IFT46: variants seen among roughly 807,000 people sequenced by gnomAD.
IFT46 encodes intraflagellar transport protein 46 homolog.
IFT46 carries 19 observed loss-of-function variants against 39.6 expected under a neutral mutation model. The ratio of observed to expected loss-of-function variants is 0.48; its 90% CI spans 0.33 to 0.70. IFT46 has a LOEUF of 0.70. IFT46 is among the 30% of genes least tolerant of loss of function. The pLI is 0.01. For synonymous variants in IFT46, 117 were observed against 134.8 expected (o/e 0.87, Z 0.91); for missense variants, 334 against 364.8 (o/e 0.92, Z 0.69).
upstream of IFT46, among the ~76,000 whole-genome samples, chr11:118,568,945 C>T (rs1252002551): frequency 1.3e-5 from 2 of 151,906 alleles, no homozygotes; most frequent in Admixed American, 6.5e-5. Flanking sequence ...CGTAAGCCAC[C>T]GCACCTGGCC....
intron 9 of IFT46, among the ~76,000 whole-genome samples, chr11:118,549,204 TTTC>T (rs1414699563): frequency 4.0e-5 from 6 of 150,636 alleles, no homozygotes; most frequent in African/African-American, 1.2e-4. Context: ...CAGCTCCTTT[TTTC>T]TTTTCTTTTT....
intron 2 of IFT46, chr11:118,561,688 G>A (rs571443303): frequency 8.0e-5 from 23 of 286,692 alleles, no homozygotes; most frequent in African/African-American, 4.9e-4. Flanking sequence ...CTCTAAATGG[G>A]GTCACTAATA....
intron 1 of IFT46, chr11:118,572,356 C>G (rs543766385): frequency 6.6e-6 from 1 of 152,144 alleles, no homozygotes; most frequent in African/African-American, 2.5e-5. Context: ...CCGCCCCCCC[C>G]CCCGCCCTTT....
intron 1 of IFT46, among the ~76,000 whole-genome samples, chr11:118,571,692 A>T (rs1208889649): frequency 6.6e-6 from 1 of 152,186 alleles, no homozygotes; most frequent in African/African-American, 2.4e-5. Flanking sequence ...TATCTATTCA[A>T]ATCTTTTGCT....
At chr11:118,566,771 T>C (rs1179868766), upstream of IFT46, among the ~76,000 whole-genome samples, 1 of 152,258 alleles carries the variant, frequency 6.6e-6, no homozygotes, top group East Asian at 1.9e-4. Flanking sequence ...AAGCAAGACC[T>C]GTGTCTAATT....
At chr11:118,558,846 A>G (rs1490338686) in intron 3 of IFT46, among the ~76,000 whole-genome samples, 1 of 151,116 alleles carries the variant, frequency 6.6e-6, no homozygotes, top group Non-Finnish European at 1.5e-5. Flanking sequence ...TGAACCCAAG[A>G]GGCAGAGGTT....
rs1591363078 is a variant in IFT46 at position 118,551,965 on chromosome 11, G to A, written c.606-113C>T. ...GGTCTTCAATCTGGCACATCAGGAA[G>A]GCTTCAGGAGAACCTAGACTGGGCA... On this transcript the variant is annotated intron_variant, in intron 8 of 11. Coordinates refer to ENST00000264021, the MANE Select transcript of IFT46 (RefSeq NM_001168618.2). 4 of 1,156,532 alleles carry A rather than the reference G, an allele frequency of 3.5e-6. No homozygotes were observed. The African/African-American group carries it at 6.1e-5, about 18-fold the overall frequency. 71.6% of individuals were successfully genotyped at this position (1,156,532 alleles called of 1,614,324 possible).
At chr11:118,562,890 C>G (rs1555070800) in intron 2 of IFT46, among the ~76,000 whole-genome samples, 2 of 152,062 alleles carry the variant, frequency 1.3e-5, no homozygotes, top group African/African-American at 4.8e-5. Context: ...ATGGTGAAAC[C>G]CCGTCTCTAC....
At position 118,555,258 on chromosome 11, in the gene IFT46, A is replaced by C. The variant is rs1188705842; in HGVS notation, c.250T>G (p.Tyr84Asp). 3 of 1,613,664 alleles carry C rather than the reference A, an allele frequency of 1.9e-6. No individual in the cohort carries two copies. The African/African-American group carries it at 4.0e-5, about 22-fold the overall frequency. ...VSAEIKELFQ[Y>D]ISRYTPQLID... Reference sequence around the variant, plus strand: ...GGTCCTAGTACTCACCTACTGATGTACTGGAAGAGTTCCTTAATTTCAGCA... The same window carrying C: ...GGTCCTAGTACTCACCTACTGATGTCCTGGAAGAGTTCCTTAATTTCAGCA... The change falls in exon 5 of 12, where the codon TAC (tyrosine) becomes GAC (aspartate). Residue 84 changes from tyrosine to aspartate, a missense_variant. Coordinates refer to ENST00000264021, the MANE Select transcript of IFT46 (RefSeq NM_001168618.2).
chr11:118,561,072 A>G (rs1938040719), intron 2 of IFT46: 1 of 1,535,814 alleles, frequency 6.5e-7, no homozygotes, highest in South Asian at 1.1e-5. Context: ...ACTGGCAATG[A>G]ATACAATGTG....
upstream of IFT46, among the ~76,000 whole-genome samples, chr11:118,575,584 A>G (rs1264454603): frequency 2.6e-5 from 4 of 152,198 alleles, no homozygotes; most frequent in African/African-American, 9.7e-5. Context: ...TAATAGCTTC[A>G]TATAAATAGA....
chr11:118,566,880 G>C (rs553353137), upstream of IFT46, among the ~76,000 whole-genome samples: 17 of 152,218 alleles, frequency 1.1e-4, no homozygotes, highest in African/African-American at 4.1e-4. Context: ...GAGATGTAAG[G>C]AACAAATATT....
chr11:118,564,023 G>A lies in IFT46; in HGVS notation c.-36+942C>T, dbSNP rs550148393. On this transcript the variant is annotated intron_variant, in intron 2 of 11. Coordinates refer to ENST00000264021, the MANE Select transcript of IFT46 (RefSeq NM_001168618.2). ...TCGAGACCAGCCTGGCCAACATGGT[G>A]AAACCCCGTCTCTACTAAAAATACT... Among the ~76,000 whole-genome samples, 15 of 151,712 alleles carry A rather than the reference G, an allele frequency of 9.9e-5. No homozygotes were observed. The East Asian group carries it at 2.9e-3, about 29-fold the overall frequency.
At chr11:118,545,119 T>C in intron 11 of IFT46, 108 bp from the exon 12 acceptor site, 1 of 876,414 alleles carries the variant, frequency 1.1e-6, no homozygotes, top group Non-Finnish European at 1.8e-6. Flanking sequence ...CCTTCCTGCT[T>C]CCATTCATGA....
At chr11:118,550,634 C>T (rs1010328520) in intron 9 of IFT46, among the ~76,000 whole-genome samples, 9 of 152,172 alleles carry the variant, frequency 5.9e-5, no homozygotes, top group African/African-American at 1.9e-4. Context: ...TTTAATTCAT[C>T]TGAAATTCAC....
intron 3 of IFT46, among the ~76,000 whole-genome samples, chr11:118,559,476 G>A (rs1434973768): frequency 6.6e-6 from 1 of 152,160 alleles, no homozygotes; most frequent in Non-Finnish European, 1.5e-5. Flanking sequence ...GAGATTCTGG[G>A]CTGGGACTGG....
At chr11:118,552,574 G>A (rs1937681510) in intron 7 of IFT46, among the ~76,000 whole-genome samples, 1 of 152,048 alleles carries the variant, frequency 6.6e-6, no homozygotes, top group African/African-American at 2.4e-5. Context: ...GGGAGGATCA[G>A]TTGAGGCTAG....
chr11:118,564,024 A>C (rs61900949), intron 2 of IFT46, among the ~76,000 whole-genome samples: 82 of 151,656 alleles, frequency 5.4e-4, no homozygotes, highest in Admixed American at 1.2e-3. Flanking sequence ...CAACATGGTG[A>C]AACCCCGTCT....
upstream of IFT46, among the ~76,000 whole-genome samples, chr11:118,568,616 C>A (rs1411531438): frequency 6.6e-6 from 1 of 151,698 alleles, no homozygotes; most frequent in East Asian, 1.9e-4. Flanking sequence ...CAGTTGTTAT[C>A]TTTTTTAGGA....
Sources: allele counts gnomAD v4.1 joint callset (sites outside exome capture counted in the v4.1 genomes callset), GRCh38; gene constraint gnomAD v4.1.1; transcripts MANE v1.5; gene names NCBI Gene and HGNC (gene_info 2026-07-23, HGNC 2026-07-21).